HSD17B12: variants seen among roughly 807,000 people sequenced by gnomAD.
HSD17B12 encodes very-long-chain 3-oxoacyl-CoA reductase.
Under a neutral mutation model 39.3 loss-of-function variants are expected in HSD17B12, and 32 were observed. That is an observed-to-expected ratio of 0.81 (90% CI 0.61 to 1.09). The LOEUF (loss-of-function observed/expected upper bound fraction) is 1.09, where lower values mean the gene tolerates loss of function less well. Among genes scored for constraint, HSD17B12 ranks in the 50% least tolerant of loss-of-function variants. The pLI, the probability that HSD17B12 is intolerant of heterozygous loss-of-function variation, is 0.00. For missense variants in HSD17B12, 342 were observed against 382.9 expected, an observed-to-expected ratio of 0.89 and a Z score of 0.89; for synonymous variants, 150 against 146.7, an observed-to-expected ratio of 1.02 and a Z score of -0.16.
chr11:43,660,028 T>C, the HSD17B12 span, among the ~76,000 whole-genome samples: 1 of 152,114 alleles, frequency 6.6e-6, no homozygotes. Flanking sequence ...TAGGATAAGC[T>C]CCAGGACCCA....
chr11:43,618,884 C>A, the HSD17B12 span, among the ~76,000 whole-genome samples: 1 of 151,798 alleles, frequency 6.6e-6, no homozygotes. Flanking sequence ...AAATAAAGGA[C>A]CACAGTTTTA....
the HSD17B12 span, among the ~76,000 whole-genome samples, chr11:43,560,661 A>C: frequency 1.3e-5 from 2 of 152,316 alleles, no homozygotes; most frequent in Admixed American, 1.3e-4. Flanking sequence ...GGAACGATGG[A>C]TGGGCACACA....
the HSD17B12 span, among the ~76,000 whole-genome samples, chr11:43,648,156 C>T: frequency 2.6e-5 from 4 of 151,908 alleles, no homozygotes; most frequent in African/African-American, 7.2e-5. Context: ...CCTTATTTTT[C>T]TTTTTGTTCA....
At chr11:43,819,298 A>G (rs1202016434) in intron 6 of HSD17B12, among the ~76,000 whole-genome samples, 1 of 152,170 alleles carries the variant, frequency 6.6e-6, no homozygotes, top group Non-Finnish European at 1.5e-5. Context: ...CTCCATGAAC[A>G]TGCCATCCCT....
chr11:43,721,518 C>T (rs1370216635), intron 1 of HSD17B12, among the ~76,000 whole-genome samples: 1 of 152,118 alleles, frequency 6.6e-6, no homozygotes, highest in Non-Finnish European at 1.5e-5. Flanking sequence ...ACTCGGGAGG[C>T]TAAGCCAGGA....
At chr11:43,596,343 T>C in the HSD17B12 span, among the ~76,000 whole-genome samples, 1 of 152,178 alleles carries the variant, frequency 6.6e-6, no homozygotes, top group Non-Finnish European at 1.5e-5. Flanking sequence ...ATTGAGTTCC[T>C]GGGTAGAGTA....
the HSD17B12 span, among the ~76,000 whole-genome samples, chr11:43,591,192 A>C: frequency 2.6e-5 from 4 of 152,352 alleles, no homozygotes; most frequent in Middle Eastern, 6.8e-3. Flanking sequence ...ACAAATATTA[A>C]AGAAATACAT....
At chr11:43,641,275 C>G in the HSD17B12 span, among the ~76,000 whole-genome samples, 1 of 151,242 alleles carries the variant, frequency 6.6e-6, no homozygotes, top group Non-Finnish European at 1.5e-5. Context: ...TTTCTCATAG[C>G]CTGAATAAGA....
At chr11:43,711,488 T>TTTTTGAGACA (rs1950065501) in intron 1 of HSD17B12, among the ~76,000 whole-genome samples, 1 of 150,858 alleles carries the variant, frequency 6.6e-6, no homozygotes, top group Admixed American at 6.6e-5. Flanking sequence ...TTTTTTTTTT[T>TTTTTGAGACA]TTTTGAGACA....
At chr11:43,690,511 A>G (rs1949852901) in intron 1 of HSD17B12, among the ~76,000 whole-genome samples, 1 of 147,516 alleles carries the variant, frequency 6.8e-6, no homozygotes, top group Non-Finnish European at 1.5e-5. Flanking sequence ...AGTTGCTGGG[A>G]CTATAGGCAT....
In HSD17B12 at chr11:43,820,103, G is replaced by A. The variant is rs547510945; in HGVS notation, c.501+3712G>A. On this transcript the variant is annotated intron_variant, in intron 6 of 10. Transcript: ENST00000278353. ...CCATTCAGATAGAAAATGGCTTGAC[G>A]GGAGCAGTGGGAGGTGAGTGATGTG... 2.0e-3 allele frequency among the ~76,000 whole-genome samples: 308 copies of A among 152,164 alleles called. 3 individuals carry two copies. Among genetic ancestry groups the A allele is most frequent in the Non-Finnish European group, 2.2e-3 (148 of 67,984 alleles).
intron 3 of HSD17B12, among the ~76,000 whole-genome samples, chr11:43,769,039 A>G (rs1475017731): frequency 6.6e-6 from 1 of 152,240 alleles, no homozygotes; most frequent in Non-Finnish European, 1.5e-5. Flanking sequence ...CACCAGGTTC[A>G]AGTGATTCTG....
At chr11:43,636,102 C>T in the HSD17B12 span, among the ~76,000 whole-genome samples, 1 of 152,182 alleles carries the variant, frequency 6.6e-6, no homozygotes, top group African/African-American at 2.4e-5. Context: ...GAAAGTCCCA[C>T]TTTTGTTTAA....
the HSD17B12 span, among the ~76,000 whole-genome samples, chr11:43,565,918 A>G: frequency 6.6e-6 from 1 of 152,106 alleles, no homozygotes; most frequent in African/African-American, 2.4e-5. Flanking sequence ...GGACTTAACA[A>G]GGTGTGCCCC....
At chr11:43,641,673 G>A in the HSD17B12 span, among the ~76,000 whole-genome samples, 27 of 151,918 alleles carry the variant, frequency 1.8e-4, no homozygotes, top group Non-Finnish European at 3.7e-4. Context: ...TTTGGTAATT[G>A]TGTTACGTTG....
At chr11:43,719,565 A>G (rs1183018409) in intron 1 of HSD17B12, among the ~76,000 whole-genome samples, 2 of 151,706 alleles carry the variant, frequency 1.3e-5, no homozygotes, top group Non-Finnish European at 2.9e-5. Context: ...CTATGGTCCA[A>G]CTGGTCTGTC....
intron 3 of HSD17B12, among the ~76,000 whole-genome samples, chr11:43,770,454 A>G (rs1026651319): frequency 2.0e-5 from 3 of 152,216 alleles, no homozygotes; most frequent in Admixed American, 6.5e-5. Context: ...TCTGCCGGGC[A>G]CAGTGGTTCA....
chr11:43,567,148 C>A, the HSD17B12 span, among the ~76,000 whole-genome samples: 1 of 152,156 alleles, frequency 6.6e-6, no homozygotes, highest in Admixed American at 6.5e-5. Flanking sequence ...GAAGGTTATC[C>A]GGGCTCCATG....
chr11:43,788,512 C>A (rs913528761), intron 3 of HSD17B12, among the ~76,000 whole-genome samples: 1 of 152,046 alleles, frequency 6.6e-6, no homozygotes, highest in Non-Finnish European at 1.5e-5. Context: ...GGCTCTCACT[C>A]AGAAGTCCCT....
Sources: allele counts gnomAD v4.1 joint callset (sites outside exome capture counted in the v4.1 genomes callset), GRCh38; gene constraint gnomAD v4.1.1; transcripts MANE v1.5; gene names NCBI Gene and HGNC (gene_info 2026-07-23, HGNC 2026-07-21).